The following NALCN variants were observed in gnomAD, a reference collection of about 807,000 sequenced individuals.
The protein encoded by NALCN is sodium leak channel, non-selective, also known as sodium leak channel NALCN.
NALCN carries 111 observed loss-of-function variants against 225.3 expected under a neutral mutation model. The observed-to-expected ratio is 0.49, with a 90% confidence interval of 0.42 to 0.58. The LOEUF is 0.58. NALCN is among the 20% of genes least tolerant of loss of function. The pLI is 0.00. For synonymous variants in NALCN, 764 were observed against 769.0 expected (o/e 0.99, Z 0.11); for missense variants, 1,378 against 2,202.4 (o/e 0.63, Z 7.49).
chr13:101,372,609 C>T (rs2046571269), intron 6 of NALCN, among the ~76,000 whole-genome samples: 1 of 152,024 alleles, frequency 6.6e-6, no homozygotes, highest in Non-Finnish European at 1.5e-5. Context: ...GGAGAAATCA[C>T]ATATATTAGA....
chr13:101,365,484 C>T (rs7992694), intron 6 of NALCN, among the ~76,000 whole-genome samples: 35,729 of 151,894 alleles, frequency 0.24, 4,340 homozygotes, highest in Non-Finnish European at 0.26. Context: ...CTAAAGAATA[C>T]GTGACAAATA....
chr13:101,257,604 T>C (rs2042282284), intron 11 of NALCN, among the ~76,000 whole-genome samples: 1 of 152,198 alleles, frequency 6.6e-6, no homozygotes, highest in Non-Finnish European at 1.5e-5. Context: ...TTTTCTGTCT[T>C]TTCAGTTTAC....
intron 7 of NALCN, among the ~76,000 whole-genome samples, chr13:101,302,123 T>C (rs1013375169): frequency 6.6e-6 from 1 of 152,192 alleles, no homozygotes; most frequent in Non-Finnish European, 1.5e-5. Flanking sequence ...CATAAAAAAT[T>C]CATAATAGTC....
intron 32 of NALCN, 55 bp from the exon 33 acceptor site, chr13:101,082,938 CT>C: frequency 1.2e-6 from 2 of 1,603,244 alleles, no homozygotes; most frequent in African/African-American, 2.7e-5. Context: ...CACATACAGG[CT>C]TGCCCCTCTT....
intron 3 of NALCN, among the ~76,000 whole-genome samples, chr13:101,391,855 A>G (rs554559118): frequency 7.0e-4 from 105 of 150,048 alleles, no homozygotes; most frequent in African/African-American, 2.4e-3. Flanking sequence ...GTGGTGGCAC[A>G]CGCTTGTAGT....
intron 18 of NALCN, among the ~76,000 whole-genome samples, chr13:101,121,810 C>T (rs1463043278): frequency 6.6e-6 from 1 of 152,104 alleles, no homozygotes; most frequent in Non-Finnish European, 1.5e-5. Flanking sequence ...AGAGTTTAAT[C>T]GACAGCAAGG....
At chr13:101,338,473 C>T (rs2045454908) in intron 7 of NALCN, among the ~76,000 whole-genome samples, 2 of 152,090 alleles carry the variant, frequency 1.3e-5, no homozygotes, top group Admixed American at 1.3e-4. Context: ...TTGTTTAGTC[C>T]AAACTGAACA....
intron 39 of NALCN, among the ~76,000 whole-genome samples, chr13:101,066,145 A>T (rs2032368906): frequency 6.6e-6 from 1 of 151,926 alleles, no homozygotes; most frequent in South Asian, 2.1e-4. Context: ...GGCCAGCATG[A>T]TGAAGCCCAG....
chr13:101,175,056 G>A (rs1439846139), intron 15 of NALCN, among the ~76,000 whole-genome samples: 2 of 152,230 alleles, frequency 1.3e-5, no homozygotes, highest in East Asian at 3.9e-4. Flanking sequence ...TTCATTGATG[G>A]CATAAAGGAA....
chr13:101,166,809 A>G (rs2038461046), intron 15 of NALCN, among the ~76,000 whole-genome samples: 1 of 152,202 alleles, frequency 6.6e-6, no homozygotes, highest in Non-Finnish European at 1.5e-5. Flanking sequence ...AATGTCATGA[A>G]GCTTTTGCCT....
At chr13:101,259,172 A>AGGC (rs2042335559) in intron 10 of NALCN, among the ~76,000 whole-genome samples, 1 of 152,042 alleles carries the variant, frequency 6.6e-6, no homozygotes, top group African/African-American at 2.4e-5. Flanking sequence ...CTAGGAACCT[A>AGGC]TTCTAATAAG....
chr13:101,109,866 T>C (rs2035338090), intron 20 of NALCN, among the ~76,000 whole-genome samples: 1 of 152,208 alleles, frequency 6.6e-6, no homozygotes, highest in African/African-American at 2.4e-5. Flanking sequence ...AATCCCCACC[T>C]TTGATTTATT....
chr13:101,304,758 CTTTTTTTTTTT>C (rs769247590), intron 7 of NALCN, among the ~76,000 whole-genome samples: 2 of 122,814 alleles, frequency 1.6e-5, no homozygotes, highest in African/African-American at 6.3e-5. Flanking sequence ...TTTTTCTTTT[CTTTTTTTTTTT>C]TTTTTGAGAC....
intron 18 of NALCN, chr13:101,116,836 T>C (rs1594240173): frequency 1.4e-5 from 6 of 423,796 alleles, no homozygotes; most frequent in Admixed American, 8.0e-5. Flanking sequence ...AACAGGAAAA[T>C]AGTCTTTCAG....
intron 15 of NALCN, among the ~76,000 whole-genome samples, chr13:101,150,021 C>T (rs1280206367): frequency 6.6e-6 from 1 of 152,198 alleles, no homozygotes; most frequent in Non-Finnish European, 1.5e-5. Flanking sequence ...TGCCCACTAG[C>T]AGTTGAGTGG....
intron 13 of NALCN, among the ~76,000 whole-genome samples, chr13:101,220,953 T>C (rs560021785): frequency 6.6e-6 from 1 of 152,296 alleles, no homozygotes; most frequent in South Asian, 2.1e-4. Context: ...GCTTACATCT[T>C]GGTTGTGAAG....
intron 2 of NALCN, among the ~76,000 whole-genome samples, chr13:101,397,447 A>C (rs572122631): frequency 6.6e-6 from 1 of 151,090 alleles, no homozygotes; most frequent in East Asian, 1.9e-4. Context: ...ATGCATGCAC[A>C]TATAAATATA....
At chr13:101,160,109 C>G (rs2038099234) in intron 15 of NALCN, among the ~76,000 whole-genome samples, 1 of 152,178 alleles carries the variant, frequency 6.6e-6, no homozygotes, top group South Asian at 2.1e-4. Context: ...TACACACCAC[C>G]ATGCCTGACT....
At chr13:101,318,500 G>A (rs937256980) in intron 7 of NALCN, among the ~76,000 whole-genome samples, 5 of 152,166 alleles carry the variant, frequency 3.3e-5, no homozygotes, top group African/African-American at 1.2e-4. Flanking sequence ...TTCTGAATAG[G>A]GGGAAATCTT....
Sources: allele counts gnomAD v4.1 joint callset (sites outside exome capture counted in the v4.1 genomes callset), GRCh38; gene constraint gnomAD v4.1.1; transcripts MANE v1.5; gene names NCBI Gene and HGNC (gene_info 2026-07-23, HGNC 2026-07-21).